Variants in MAGI2 observed in about 807,000 individuals in gnomAD.
MAGI2 encodes membrane associated guanylate kinase, WW and PDZ domain containing 2, also known as membrane-associated guanylate kinase, WW and PDZ domain-containing protein 2.
Under a neutral mutation model 133.3 loss-of-function variants are expected in MAGI2, and 35 were observed. The ratio of observed to expected loss-of-function variants is 0.26; its 90% CI spans 0.20 to 0.35. The LOEUF is 0.35. Among genes scored for constraint, MAGI2 ranks in the 10% least tolerant of loss-of-function variants. MAGI2 has a pLI of 1.00. For synonymous variants in MAGI2, 729 were observed against 710.6 expected (o/e 1.03, Z -0.41); for missense variants, 1,636 against 1,863.4 (o/e 0.88, Z 2.25).
Position 79,187,745 on chromosome 7 carries a change from T to G in MAGI2, c.302-180539A>C, listed in dbSNP as rs576214298. Among the ~76,000 whole-genome samples, 37 of 151,988 alleles carry G rather than the reference T, an allele frequency of 2.4e-4. 1 individual carries two copies. In the South Asian group the frequency reaches 7.5e-3, roughly 31 times the overall value. ...AAATTTATAAAAACAAAAACAATTG[T>G]GCAAGTAGATTTGCATGGTTGTGTT... On this transcript the variant is annotated intron_variant, in intron 1 of 21. Transcript: ENST00000354212.
At chr7:79,257,610 A>G (rs1345512226) in intron 1 of MAGI2, among the ~76,000 whole-genome samples, 2 of 152,186 alleles carry the variant, frequency 1.3e-5, no homozygotes, top group Non-Finnish European at 2.9e-5. Flanking sequence ...TGAGTTCACC[A>G]CTTTTAGTGA....
chr7:79,266,970 A>G (rs1014593772), intron 1 of MAGI2, among the ~76,000 whole-genome samples: 2 of 152,174 alleles, frequency 1.3e-5, no homozygotes, highest in Non-Finnish European at 2.9e-5. Context: ...GGGGAATGAT[A>G]CAGACTTCAG....
intron 1 of MAGI2, among the ~76,000 whole-genome samples, chr7:79,347,279 TTTAA>T (rs1240634857): frequency 2.6e-5 from 4 of 152,014 alleles, no homozygotes; most frequent in Non-Finnish European, 4.4e-5. Flanking sequence ...CAAATCTATA[TTTAA>T]TTCTTTATAA....
At chr7:78,950,519 A>T (rs2151700537) in intron 2 of MAGI2, among the ~76,000 whole-genome samples, 1 of 152,302 alleles carries the variant, frequency 6.6e-6, no homozygotes, top group East Asian at 1.9e-4. Flanking sequence ...GCAAGTGTTC[A>T]TACATTTCCA....
chr7:79,069,127 G>C (rs1441528122), intron 1 of MAGI2, among the ~76,000 whole-genome samples: 1 of 152,104 alleles, frequency 6.6e-6, no homozygotes, highest in South Asian at 2.1e-4. Context: ...GCTTGATCCA[G>C]AGCTGAGTTC....
At chr7:78,832,469 G>A (rs1393491315) in intron 2 of MAGI2, among the ~76,000 whole-genome samples, 3 of 152,026 alleles carry the variant, frequency 2.0e-5, no homozygotes, top group South Asian at 2.1e-4. Context: ...TTGTAAGGGC[G>A]GGTGGAAATA....
At chr7:79,314,125 C>T (rs1367648055) in intron 1 of MAGI2, among the ~76,000 whole-genome samples, 1 of 152,184 alleles carries the variant, frequency 6.6e-6, no homozygotes, top group Non-Finnish European at 1.5e-5. Context: ...AGGTGCCCAC[C>T]ACCATGCCCA....
chr7:78,726,136 T>A (rs1585205526), intron 2 of MAGI2, among the ~76,000 whole-genome samples: 1 of 152,270 alleles, frequency 6.6e-6, no homozygotes, highest in East Asian at 1.9e-4. Flanking sequence ...CCCTTATTGT[T>A]CAAAAATAAT....
intron 9 of MAGI2, among the ~76,000 whole-genome samples, chr7:78,338,951 C>T (rs1409167689): frequency 6.6e-6 from 1 of 151,840 alleles, no homozygotes; most frequent in African/African-American, 2.4e-5. Context: ...GTGCCACCAG[C>T]CTGGGCAACA....
At chr7:79,083,456 T>TA (rs201242489) in intron 1 of MAGI2, among the ~76,000 whole-genome samples, 2,642 of 151,808 alleles carry the variant, frequency 0.017, 43 homozygotes, top group Non-Finnish European at 0.022. Flanking sequence ...TTTTGTTTTT[T>TA]ATTAATGTAG....
chr7:78,364,006 T>A (rs1355998134), intron 7 of MAGI2, among the ~76,000 whole-genome samples: 1 of 151,946 alleles, frequency 6.6e-6, no homozygotes, highest in Non-Finnish European at 1.5e-5. Context: ...CCCTTCCTCA[T>A]TTCTTTCTCG....
At chr7:78,366,464 T>C (rs1793389680) in intron 7 of MAGI2, among the ~76,000 whole-genome samples, 1 of 152,168 alleles carries the variant, frequency 6.6e-6, no homozygotes, top group South Asian at 2.1e-4. Context: ...ATAACCTCTA[T>C]GTTTACATAT....
At chr7:78,246,230 G>A (rs2150923360) in intron 10 of MAGI2, among the ~76,000 whole-genome samples, 1 of 152,312 alleles carries the variant, frequency 6.6e-6, no homozygotes, top group Non-Finnish European at 1.5e-5. Context: ...CCAGCATCCT[G>A]GGGAAACAGT....
At chr7:78,361,677 G>C (rs1025783278) in intron 7 of MAGI2, among the ~76,000 whole-genome samples, 38 of 152,252 alleles carry the variant, frequency 2.5e-4, no homozygotes, top group African/African-American at 8.7e-4. Flanking sequence ...TTAAACTTCT[G>C]GGTGCCTAAA....
chr7:78,546,382 TTGAACATGTAAGATCCAC>T (rs1798840184), intron 3 of MAGI2, among the ~76,000 whole-genome samples: 1 of 152,102 alleles, frequency 6.6e-6, no homozygotes, highest in African/African-American at 2.4e-5. Flanking sequence ...TTAAACATAA[TTGAACATGTAAGATCCAC>T]TCTTACATGG....
intron 6 of MAGI2, among the ~76,000 whole-genome samples, chr7:78,483,583 G>A (rs975734472): frequency 4.0e-5 from 6 of 151,516 alleles, no homozygotes; most frequent in Admixed American, 1.3e-4. Flanking sequence ...ACTGGTGCAC[G>A]ACAGTGGAAT....
At chr7:78,271,250 G>T (rs904428902) in intron 9 of MAGI2, among the ~76,000 whole-genome samples, 4 of 151,802 alleles carry the variant, frequency 2.6e-5, no homozygotes, top group Non-Finnish European at 5.9e-5. Flanking sequence ...CATTGGTTCC[G>T]TTTATGTGAT....
intron 3 of MAGI2, among the ~76,000 whole-genome samples, chr7:78,591,449 G>A (rs1342097799): frequency 6.6e-6 from 1 of 152,210 alleles, no homozygotes; most frequent in Admixed American, 6.5e-5. Context: ...CAAGCTGGAG[G>A]TGCGGGGAGT....
chr7:79,442,894 G>A (rs2129198837), intron 1 of MAGI2, among the ~76,000 whole-genome samples: 1 of 151,758 alleles, frequency 6.6e-6, no homozygotes, highest in South Asian at 2.1e-4. Flanking sequence ...ATGTTTTGAA[G>A]AAACTTTGTC....
Sources: allele counts gnomAD v4.1 joint callset (sites outside exome capture counted in the v4.1 genomes callset), GRCh38; gene constraint gnomAD v4.1.1; transcripts MANE v1.5; gene names NCBI Gene and HGNC (gene_info 2026-07-23, HGNC 2026-07-21).